Variants in AP2B1 observed in about 807,000 individuals in gnomAD.
AP2B1 encodes AP-2 complex subunit beta.
Under a neutral mutation model 102.0 loss-of-function variants are expected in AP2B1, and 23 were observed. That is an observed-to-expected ratio of 0.23 (90% CI 0.16 to 0.32). The LOEUF (loss-of-function observed/expected upper bound fraction) is 0.32, where lower values mean the gene tolerates loss of function less well. AP2B1 is among the 10% of genes least tolerant of loss of function. The pLI, the probability that AP2B1 is intolerant of heterozygous loss-of-function variation, is 1.00. For missense variants in AP2B1, 541 were observed against 1,157.4 expected (o/e 0.47, Z 7.73); for synonymous variants, 381 against 421.2 (o/e 0.90, Z 1.17).
intron 5 of AP2B1, among the ~76,000 whole-genome samples, chr17:35,617,853 T>C (rs2074067794): frequency 6.6e-6 from 1 of 152,228 alleles, no homozygotes; most frequent in South Asian, 2.1e-4. Flanking sequence ...TCCAAATAAC[T>C]GTGATGGTTA....
chr17:35,646,659 C>G (rs767384521), intron 12 of AP2B1, among the ~76,000 whole-genome samples: 4 of 148,970 alleles, frequency 2.7e-5, no homozygotes, highest in Non-Finnish European at 4.4e-5. Flanking sequence ...AATCTCAGCT[C>G]ACTGCAGCCT....
At chr17:35,696,566 T>C (rs747226538) in intron 18 of AP2B1, among the ~76,000 whole-genome samples, 24 of 152,100 alleles carry the variant, frequency 1.6e-4, no homozygotes, top group South Asian at 2.1e-4. Context: ...TTTTTTATTT[T>C]TATTGGAGAC....
At chr17:35,680,016 T>C (rs1451588388) in intron 17 of AP2B1, among the ~76,000 whole-genome samples, 6 of 150,200 alleles carry the variant, frequency 4.0e-5, no homozygotes, top group Non-Finnish European at 8.9e-5. Flanking sequence ...AACCTCCGCC[T>C]CCCGGGTTCC....
Position 35,706,842 on chromosome 17 carries a change from G to A in AP2B1, c.2455-2382G>A, listed in dbSNP as rs587723835. Among the ~76,000 whole-genome samples, 449 of 152,040 alleles carry A rather than the reference G, an allele frequency of 3.0e-3. 2 individuals are homozygous for A. The highest frequency in any genetic ancestry group is 3.8e-3 in the Non-Finnish European group (260 of 67,988). The stretch of plus-strand genomic sequence containing the variant: ...ATTTTTTTGTATTTTTAGTAGAGAT[G>A]GGGTTTCACCATCTGGCCAGGCTGG... On this transcript the variant is annotated intron_variant, in intron 18 of 21. Transcript: ENST00000610402.
intron 4 of AP2B1, among the ~76,000 whole-genome samples, chr17:35,607,530 G>A (rs1184873167): frequency 6.6e-6 from 1 of 152,186 alleles, no homozygotes; most frequent in Admixed American, 6.5e-5. Context: ...CAGTTTAAAA[G>A]AGTGTTCTTT....
chr17:35,642,446 T>G (rs1280041020), intron 12 of AP2B1, among the ~76,000 whole-genome samples: 1 of 152,186 alleles, frequency 6.6e-6, no homozygotes, highest in African/African-American at 2.4e-5. Flanking sequence ...CTCCTTGGAA[T>G]TATTTGTTTT....
At position 35,723,617 on chromosome 17, in the gene AP2B1, C is replaced by T. The variant is rs187249345; in HGVS notation, c.2782-8C>T. The T allele has an allele frequency of 2.9e-4, 456 of 1,599,120 alleles. 1 individual carries two copies. The African/African-American group carries it at 5.7e-3, about 20-fold the overall frequency. ...TGCTAATCTTCCATCTCCTTTTTCT[C>T]CTAACAGCTGTCACTGAAGTGTAGA... On this transcript the variant is annotated splice_polypyrimidine_tract_variant and splice_region_variant and intron_variant, in intron 21 of 21. Coordinates refer to ENST00000610402, the MANE Select transcript of AP2B1 (RefSeq NM_001030006.2).
At chr17:35,698,343 A>G (rs2076179728) in intron 18 of AP2B1, among the ~76,000 whole-genome samples, 1 of 151,970 alleles carries the variant, frequency 6.6e-6, no homozygotes, top group Non-Finnish European at 1.5e-5. Flanking sequence ...GCATTCTCAC[A>G]CTGTCTCCCA....
chr17:35,636,424 C>T lies in AP2B1; in HGVS notation c.1239C>T (p.Val413=). ...VNYVVQEAIV[V]IRDIFRKYPN... is the part of the protein sequence containing the mutation. ...ATGTGGTCCAAGAAGCAATTGTTGTCATCAGGGACATCTTCCGCAAATACC... is the reference window on the plus strand; with the variant it reads ...ATGTGGTCCAAGAAGCAATTGTTGTTATCAGGGACATCTTCCGCAAATACC... The change falls in exon 10 of 22, where the codon GTC becomes GTT. Residue 413 remains valine, a synonymous_variant. Transcript: ENST00000610402. 1 of 1,613,970 alleles carries T rather than the reference C, an allele frequency of 6.2e-7. No homozygotes were observed. The highest frequency in any genetic ancestry group is 8.5e-7 in the Non-Finnish European group (1 of 1,179,882).
intron 18 of AP2B1, among the ~76,000 whole-genome samples, chr17:35,685,107 C>A (rs1399164916): frequency 6.6e-6 from 1 of 152,210 alleles, no homozygotes; most frequent in Non-Finnish European, 1.5e-5. Context: ...ATTTTTCCAT[C>A]TATAGTTAAC....
At chr17:35,719,129 T>A (rs185132908) in intron 21 of AP2B1, among the ~76,000 whole-genome samples, 26 of 152,330 alleles carry the variant, frequency 1.7e-4, no homozygotes, top group African/African-American at 5.8e-4. Context: ...TTTACCCAGT[T>A]TTCCCCATTA....
In AP2B1 at chr17:35,682,791, A is replaced by C; in HGVS notation, c.2421A>C (p.Pro807=). Residue 807 remains proline (P), a synonymous_variant, in exon 18 of 22, where the codon CCA becomes CCC. Transcript: ENST00000610402. The part of the protein sequence containing the change: ...DVSLPLNTLG[P]VMKMEPLNNL... ...CCCTGCCTCTCAATACCTTGGGCCC[A>C]GTCATGAAGATGGAACCTCTGAATA... 1 of 1,612,612 alleles carries C rather than the reference A, an allele frequency of 6.2e-7. No individual in the cohort carries two copies. The highest frequency in any genetic ancestry group is 8.5e-7 in the Non-Finnish European group (1 of 1,178,932).
chr17:35,652,295 A>G (rs929476102), intron 13 of AP2B1, among the ~76,000 whole-genome samples: 3 of 152,200 alleles, frequency 2.0e-5, no homozygotes, highest in African/African-American at 7.2e-5. Flanking sequence ...GTTGCTGCAA[A>G]TGACATGTCT....
At chr17:35,658,802 A>G (rs182119302) in intron 14 of AP2B1, among the ~76,000 whole-genome samples, 6 of 152,304 alleles carry the variant, frequency 3.9e-5, no homozygotes, top group Admixed American at 1.3e-4. Context: ...CTTCTACTTT[A>G]TGAGGAGTTT....
intron 21 of AP2B1, among the ~76,000 whole-genome samples, chr17:35,720,545 T>TATATATATATATATA (rs1568062926): frequency 3.5e-4 from 19 of 54,374 alleles, no homozygotes; most frequent in South Asian, 3.4e-3. Context: ...TTTATTTTAT[T>TATATATATATATATA]TATATATATA....
chr17:35,619,476 C>A (rs2074112456), intron 5 of AP2B1, among the ~76,000 whole-genome samples: 1 of 119,064 alleles, frequency 8.4e-6, no homozygotes. Flanking sequence ...GACCCTGTTT[C>A]TATTTAAAAA....
At chr17:35,718,463 C>A (rs1555591268) in intron 21 of AP2B1, among the ~76,000 whole-genome samples, 1 of 152,058 alleles carries the variant, frequency 6.6e-6, no homozygotes, top group African/African-American at 2.4e-5. Context: ...CAACCCCCCA[C>A]CAGTCTCATC....
intron 13 of AP2B1, among the ~76,000 whole-genome samples, chr17:35,654,339 CAGGTGTG>C (rs2075165876): frequency 6.6e-6 from 1 of 152,198 alleles, no homozygotes; most frequent in South Asian, 2.1e-4. Context: ...GCTAGGATTA[CAGGTGTG>C]AGCCTCTGTG....
chr17:35,678,616 A>T (rs1256435033), intron 17 of AP2B1, among the ~76,000 whole-genome samples: 2 of 152,200 alleles, frequency 1.3e-5, no homozygotes, highest in Non-Finnish European at 2.9e-5. Context: ...TAAAATGATT[A>T]TGTGAACTTT....
Sources: gnomAD v4.1 joint callset for allele counts (sites outside exome capture counted in the v4.1 genomes callset) on GRCh38, gnomAD v4.1.1 for gene constraint, MANE v1.5 for transcripts, NCBI Gene and HGNC (gene_info 2026-07-23, HGNC 2026-07-21) for gene names.